Variants in SPEN observed in about 807,000 individuals in gnomAD.
The protein encoded by SPEN is msx2-interacting protein.
In SPEN, 18 loss-of-function variants were observed where a neutral mutation model predicts 269.9. The observed-to-expected ratio is 0.07, with a 90% confidence interval of 0.05 to 0.10. The LOEUF (loss-of-function observed/expected upper bound fraction) is 0.10, where lower values mean the gene tolerates loss of function less well. Among genes scored for constraint, SPEN ranks in the 10% least tolerant of loss-of-function variants. SPEN has a pLI of 1.00. For synonymous variants in SPEN, 1,726 were observed against 1,765.7 expected, an observed-to-expected ratio of 0.98 and a Z score of 0.56; for missense variants, 3,822 against 4,631.2, an observed-to-expected ratio of 0.83 and a Z score of 5.07.
chr1:15,894,657 C>T (rs140159710), intron 3 of SPEN, among the ~76,000 whole-genome samples: 1 of 149,912 alleles, frequency 6.7e-6, no homozygotes, highest in African/African-American at 2.5e-5. Flanking sequence ...TCTCGTGCCT[C>T]AGCCTCCAGA....
At position 15,931,798 on chromosome 1, in the gene SPEN, A is replaced by G; in HGVS notation, c.5558A>G (p.Lys1853Arg). Residue 1853 changes from lysine (K) to arginine (R), a missense_variant, in exon 11 of 15, where the codon AAG (lysine) becomes AGG (arginine). Around this residue, in one of 16 missense-constraint regions of SPEN, gnomAD observed 533 missense variants for 618.8 expected, o/e 0.86. Coordinates refer to ENST00000375759, the MANE Select transcript of SPEN (RefSeq NM_015001.3). The surrounding 1 kb of genome is among the most constrained non-coding windows in gnomAD (Gnocchi z 4.8). ...KSERIDREKLKRSNSPRGEAQ... is the reference protein window; with the variant it reads ...KSERIDREKLRRSNSPRGEAQ... ...GAGAGGATAGACCGGGAAAAACTCA[A>G]GCGGTCCAATTCTCCTCGGGGAGAA... The G allele has an allele frequency of 1.9e-6, 3 of 1,614,236 alleles. No individual in the cohort carries two copies. The highest frequency in any genetic ancestry group is 2.5e-6 in the Non-Finnish European group (3 of 1,180,034).
rs201549400 is a variant in SPEN, at chr1:15,931,998, G to A, written c.5758G>A (p.Val1920Ile). The change falls in exon 11 of 15, where the codon GTC (valine) becomes ATC (isoleucine). Residue 1920 changes from valine to isoleucine, a missense_variant. This residue lies in a region of SPEN where 533 missense variants were observed against 618.8 expected (regional missense o/e 0.86). Coordinates refer to ENST00000375759, the MANE Select transcript of SPEN (RefSeq NM_015001.3). The surrounding 1 kb of genome is among the most constrained non-coding windows in gnomAD (Gnocchi z 4.8). ...TMGDHENRSP[V>I]KEPVEQPRVT... ...GGGTGACCATGAAAACCGCTCTCCT[G>A]TCAAAGAGCCCGTTGAGCAACCAAG... The A allele has an allele frequency of 3.4e-4, 555 of 1,614,216 alleles. No homozygotes were observed. The highest frequency in any genetic ancestry group is 4.5e-4 in the Non-Finnish European group (533 of 1,180,044).
chr1:15,870,831 T>G (rs373897425), intron 1 of SPEN, among the ~76,000 whole-genome samples: 2 of 152,212 alleles, frequency 1.3e-5, no homozygotes, highest in African/African-American at 4.8e-5. Context: ...TTGGAAGTTA[T>G]GGAGTGAGTT....
At position 15,872,822 on chromosome 1, in the gene SPEN, C is replaced by T. The variant is rs753485641; in HGVS notation, c.90C>T (p.Gly30=). The T allele has an allele frequency of 8.1e-6, 12 of 1,484,476 alleles. No individual in the cohort carries two copies. The highest frequency in any genetic ancestry group is 1.1e-5 in the Non-Finnish European group (12 of 1,111,388). 92.0% of individuals were successfully genotyped at this position (1,484,476 alleles called of 1,614,324 possible). A position where few individuals can be genotyped will look rare whatever the true frequency, so the allele number is the denominator to read the frequency against. ...TTGACTTTATTTTTTCCAGATATGG[C>T]CGCGTGGAAAGTGTCAAAATTCTTC... is the stretch of plus-strand genomic sequence containing the variant. The part of the protein sequence containing the change: ...EKIIEHFKRY[G]RVESVKILPK... The change falls in exon 2 of 15, where the codon GGC becomes GGT. Residue 30 remains glycine (G), a synonymous_variant. Coordinates refer to ENST00000375759, the MANE Select transcript of SPEN (RefSeq NM_015001.3).
Position 15,929,218 on chromosome 1 carries a change from TAAAAGCAG to T in SPEN, c.2986_2993del (p.Glu996LysfsTer23). 1 of 1,614,092 alleles carries T rather than the reference TAAAAGCAG, an allele frequency of 6.2e-7. No individual in the cohort carries two copies. ...AAAAGGCGCTTTGCAGATTCCAATT[TAAAAGCAG>T]AAAAGCAAAAACCAGAGGTCAAGAA... On this transcript the variant is annotated frameshift_variant, in exon 11 of 15. Coordinates refer to ENST00000375759, the MANE Select transcript of SPEN (RefSeq NM_015001.3). LOFTEE classifies it high-confidence loss of function. The surrounding 1 kb of genome is among the most constrained non-coding windows in gnomAD (Gnocchi z 5.8).
chr1:15,872,249 A>T (rs1417704594), intron 1 of SPEN, among the ~76,000 whole-genome samples: 12 of 145,626 alleles, frequency 8.2e-5, no homozygotes, highest in Non-Finnish European at 1.8e-4. Flanking sequence ...AAAAAAGTGC[A>T]TTTCAGCTAA....
At chr1:15,916,350 T>C in intron 6 of SPEN, 71 bp downstream of exon 6, 1 of 1,457,242 alleles carries the variant, frequency 6.9e-7, no homozygotes, top group South Asian at 1.3e-5. Context: ...ACAGATTATA[T>C]TTGGAAAGGT....
chr1:15,884,992 A>C (rs1032420464), intron 3 of SPEN, among the ~76,000 whole-genome samples: 1 of 152,086 alleles, frequency 6.6e-6, no homozygotes, highest in Non-Finnish European at 1.5e-5. Flanking sequence ...CCGCCTCCCA[A>C]AGTGCTGGGA....
At chr1:15,887,406 G>A (rs989015786) in intron 3 of SPEN, among the ~76,000 whole-genome samples, 7 of 147,490 alleles carry the variant, frequency 4.7e-5, no homozygotes, top group African/African-American at 1.8e-4. Context: ...TCAGTCTCCC[G>A]AGTAGCTTGG....
Position 15,873,082 on chromosome 1 carries a change from G to A in SPEN, c.350G>A (p.Gly117Asp). The A allele has an allele frequency of 1.9e-6, 3 of 1,614,106 alleles. No individual in the cohort carries two copies. In the East Asian group the frequency reaches 6.7e-5, roughly 36 times the overall value. Residue 117 changes from glycine (G) to aspartate (D), a missense_variant, in exon 2 of 15, where the codon GGT becomes GAT. Gly to Asp is a moderately conservative substitution (Grantham distance 94). Transcript: ENST00000375759. ...FRGGGGGPAYGPPPSLHAREG... is the reference protein window; with the variant it reads ...FRGGGGGPAYDPPPSLHAREG... ...GGAGGTGGTGGAGGGCCTGCTTATG[G>A]TCCCCCACCGTCACTTCATGCACGA...
intron 1 of SPEN, among the ~76,000 whole-genome samples, chr1:15,866,838 A>C (rs747786948): frequency 6.6e-6 from 1 of 152,190 alleles, no homozygotes; most frequent in African/African-American, 2.4e-5. Flanking sequence ...AATGCCTTCC[A>C]TGGTTGCCTA....
At chr1:15,924,313 A>G (rs1187338196) in intron 10 of SPEN, among the ~76,000 whole-genome samples, 1 of 152,216 alleles carries the variant, frequency 6.6e-6, no homozygotes, top group African/African-American at 2.4e-5. Flanking sequence ...GTGAGTGGAA[A>G]GTGTCCCGGA....
chr1:15,932,865 C>G lies in SPEN; in HGVS notation c.6625C>G (p.Gln2209Glu). 1.2e-6 allele frequency: 2 copies of G among 1,614,248 alleles called. No homozygotes were observed. The highest frequency in any genetic ancestry group is 1.7e-6 in the Non-Finnish European group (2 of 1,180,044). The part of the protein sequence containing the change: ...APEDRDKPAH[Q>E]ASETELAAAI... ...AGAGGACAGGGACAAGCCTGCACACCAAGCAAGTGAAACAGAGCTGGCTGC... is the reference window on the plus strand; with the variant it reads ...AGAGGACAGGGACAAGCCTGCACACGAAGCAAGTGAAACAGAGCTGGCTGC... The change falls in exon 11 of 15, where the codon CAA (glutamine) becomes GAA (glutamate). Residue 2209 changes from glutamine to glutamate, a missense_variant. This residue lies in a region of SPEN where 727 missense variants were observed against 737.9 expected (regional missense o/e 0.99). Coordinates refer to ENST00000375759, the MANE Select transcript of SPEN (RefSeq NM_015001.3). The surrounding 1 kb of genome is among the most constrained non-coding windows in gnomAD (Gnocchi z 4.2).
At chr1:15,878,307 G>T (rs902657342) in intron 3 of SPEN, among the ~76,000 whole-genome samples, 1 of 152,146 alleles carries the variant, frequency 6.6e-6, no homozygotes, top group Admixed American at 6.6e-5. Context: ...TCATGTAGTT[G>T]AATGTCTGTT....
At chr1:15,911,886 G>A (rs1275906732) in intron 5 of SPEN, among the ~76,000 whole-genome samples, 7 of 152,208 alleles carry the variant, frequency 4.6e-5, no homozygotes, top group African/African-American at 1.4e-4. Context: ...GTGTGAACCC[G>A]GGAGGTCAAG....
rs1202332766 is a variant in SPEN, at chr1:15,848,559, G to C, written c.83+409G>C. ...GGACCCGAGCCCGCCCGACAGCCGG[G>C]TCCGGCGCCGCCACTCCAAGCTGCT... On this transcript the variant is annotated intron_variant, in intron 1 of 14. Transcript: ENST00000375759. This position sits in a 1 kb window ranked among gnomAD's most constrained non-coding sequence, Gnocchi z 5.1. Among the ~76,000 whole-genome samples the C allele has an allele frequency of 6.6e-6, 1 of 152,096 alleles. No individual in the cohort carries two copies. Among genetic ancestry groups the C allele is most frequent in the Non-Finnish European group, 1.5e-5 (1 of 67,970 alleles).
chr1:15,849,011 A>G (rs1281951747), intron 1 of SPEN, among the ~76,000 whole-genome samples: 1 of 152,044 alleles, frequency 6.6e-6, no homozygotes, highest in African/African-American at 2.4e-5. Flanking sequence ...TCCCCTGAAT[A>G]TTTTTGTGAA....
At position 15,933,966 on chromosome 1, in the gene SPEN, G is replaced by C. The variant is rs773122869; in HGVS notation, c.7726G>C (p.Val2576Leu). Reference sequence around the variant, plus strand: ...CCTACATGAGGCCCCGCCCCCGCCAGTTGACTCTAAAAAGCCTTTAGAAGA... The same window carrying C: ...CCTACATGAGGCCCCGCCCCCGCCACTTGACTCTAAAAAGCCTTTAGAAGA... Reference protein sequence around the residue: ...PCLHEAPPPPVDSKKPLEEKT... With the variant: ...PCLHEAPPPPLDSKKPLEEKT... The change falls in exon 11 of 15, where the codon GTT becomes CTT. Residue 2576 changes from valine (V) to leucine (L), a missense_variant. This residue lies in a region of SPEN where 727 missense variants were observed against 737.9 expected (regional missense o/e 0.99). Transcript: ENST00000375759. This position sits in a 1 kb window ranked among gnomAD's most constrained non-coding sequence, Gnocchi z 5.7. 6.2e-7 allele frequency: 1 copy of C among 1,613,960 alleles called. No individual in the cohort carries two copies. Among genetic ancestry groups the C allele is most frequent in the Non-Finnish European group, 8.5e-7 (1 of 1,179,944 alleles).
Position 15,932,853 on chromosome 1 carries a change from A to G in SPEN, c.6613A>G (p.Lys2205Glu). 1 of 1,614,230 alleles carries G rather than the reference A, an allele frequency of 6.2e-7. No individual in the cohort carries two copies. The highest frequency in any genetic ancestry group is 1.1e-5 in the South Asian group (1 of 91,088). Reference protein sequence around the residue: ...PEGLAPEDRDKPAHQASETEL... With the variant: ...PEGLAPEDRDEPAHQASETEL... ...GGGCCTTGCCCCAGAGGACAGGGAC[A>G]AGCCTGCACACCAAGCAAGTGAAAC... The change falls in exon 11 of 15, where the codon AAG becomes GAG. Residue 2205 changes from lysine (K) to glutamate (E), a missense_variant. Coordinates refer to ENST00000375759, the MANE Select transcript of SPEN (RefSeq NM_015001.3). The surrounding 1 kb of genome is among the most constrained non-coding windows in gnomAD (Gnocchi z 4.2).
Sources: allele counts gnomAD v4.1 joint callset (sites outside exome capture counted in the v4.1 genomes callset), GRCh38; gene constraint gnomAD v4.1.1; regional missense constraint gnomAD v4.1.1; non-coding constraint Gnocchi (gnomAD v3.1); transcripts MANE v1.5; gene names NCBI Gene and HGNC (gene_info 2026-07-23, HGNC 2026-07-21).